SEMA3D: variants seen among roughly 807,000 people sequenced by gnomAD.
SEMA3D encodes semaphorin-3D.
SEMA3D carries 84 observed loss-of-function variants against 100.1 expected under a neutral mutation model. The ratio of observed to expected loss-of-function variants is 0.84; its 90% confidence interval spans 0.70 to 1.01. The LOEUF (loss-of-function observed/expected upper bound fraction) is 1.01. SEMA3D is among the 50% of genes least tolerant of loss of function. The pLI is 0.00. For synonymous variants in SEMA3D, 312 were observed against 320.7 expected (o/e 0.97, Z 0.29); for missense variants, 875 against 934.1 (o/e 0.94, Z 0.82).
intron 1 of SEMA3D, among the ~76,000 whole-genome samples, chr7:85,178,913 C>T (rs763135901): frequency 5.9e-5 from 9 of 152,186 alleles, no homozygotes; most frequent in South Asian, 2.1e-4. Context: ...GTGCTCCAGC[C>T]GTGGCTAAAA....
intron 9 of SEMA3D, among the ~76,000 whole-genome samples, chr7:85,045,318 G>A (rs1790977207): frequency 6.6e-6 from 1 of 151,954 alleles, no homozygotes; most frequent in African/African-American, 2.4e-5. Context: ...AAGCTTTAAT[G>A]CCAGGCCAAA....
chr7:85,119,239 A>G (rs2116395095), intron 3 of SEMA3D, among the ~76,000 whole-genome samples: 1 of 152,372 alleles, frequency 6.6e-6, no homozygotes. Flanking sequence ...CAGAAATACC[A>G]TTAGAACCTG....
chr7:85,201,416 T>C, the SEMA3D span, among the ~76,000 whole-genome samples: 1 of 152,200 alleles, frequency 6.6e-6, no homozygotes, highest in Non-Finnish European at 1.5e-5. Flanking sequence ...TTTCCTGCTA[T>C]TGCTAGGCTT....
intron 3 of SEMA3D, among the ~76,000 whole-genome samples, chr7:85,120,393 C>G (rs1021040980): frequency 6.6e-6 from 1 of 152,012 alleles, no homozygotes; most frequent in Non-Finnish European, 1.5e-5. Flanking sequence ...TGTGGCCAGG[C>G]GAGTTGGCTC....
chr7:85,071,828 T>A (rs565748153), intron 6 of SEMA3D, among the ~76,000 whole-genome samples: 2 of 152,308 alleles, frequency 1.3e-5, no homozygotes, highest in African/African-American at 2.4e-5. Context: ...GTATGCAGCC[T>A]ATTGTTGATG....
chr7:85,166,216 A>C (rs13229068), intron 1 of SEMA3D, among the ~76,000 whole-genome samples: 5,465 of 152,108 alleles, frequency 0.036, 148 homozygotes, highest in Non-Finnish European at 0.053. Flanking sequence ...GTTTTGCTTA[A>C]ATTATGTATT....
chr7:85,236,373 T>A, the SEMA3D span, among the ~76,000 whole-genome samples: 1 of 151,628 alleles, frequency 6.6e-6, no homozygotes, highest in African/African-American at 2.4e-5. Flanking sequence ...AGTGGCATGA[T>A]CTCGGCTCAC....
At chr7:85,063,128 G>GAATAGATTATATTGTT (rs1791522709) in intron 8 of SEMA3D, among the ~76,000 whole-genome samples, 1 of 152,112 alleles carries the variant, frequency 6.6e-6, no homozygotes, top group Non-Finnish European at 1.5e-5. Flanking sequence ...AACGCCCTGT[G>GAATAGATTATATTGTT]AATAGATTCT....
chr7:85,085,010 A>C (rs1231496371), intron 4 of SEMA3D, among the ~76,000 whole-genome samples: 1 of 152,146 alleles, frequency 6.6e-6, no homozygotes, highest in Non-Finnish European at 1.5e-5. Flanking sequence ...TCCATAGTGT[A>C]CATGTACCAC....
intron 8 of SEMA3D, among the ~76,000 whole-genome samples, chr7:85,058,082 G>A (rs1289547645): frequency 6.6e-6 from 1 of 152,202 alleles, no homozygotes; most frequent in African/African-American, 2.4e-5. Flanking sequence ...AAGAAAGGAG[G>A]GAAATACATT....
chr7:85,121,670 A>C lies in SEMA3D; in HGVS notation c.151+71T>G, dbSNP rs564365187. 18 of 874,120 alleles carry C rather than the reference A, an allele frequency of 2.1e-5. No homozygotes were observed. In the African/African-American group the frequency reaches 2.8e-4, roughly 14 times the overall value. The allele number at this position is 874,120 out of a possible 1,614,324, so 54.1% of individuals were successfully genotyped here. ...GAAGTCAATATGCTTTTCTAAAAAG[A>C]AAAAATATAGCAATCAAAAAAGACA... On this transcript the variant is annotated intron_variant, in intron 3 of 18. Coordinates refer to ENST00000284136, the MANE Select transcript of SEMA3D (RefSeq NM_001384900.1).
chr7:85,196,449 G>A, the SEMA3D span, among the ~76,000 whole-genome samples: 9 of 152,060 alleles, frequency 5.9e-5, no homozygotes, highest in African/African-American at 1.9e-4. Context: ...TAAAGAAAGA[G>A]CTTCATAAAT....
chr7:85,133,355 T>C (rs1789779130), intron 2 of SEMA3D, among the ~76,000 whole-genome samples: 1 of 151,970 alleles, frequency 6.6e-6, no homozygotes, highest in Non-Finnish European at 1.5e-5. Context: ...AGGGGATTCC[T>C]GGGTTGAGCA....
At chr7:85,133,763 T>A (rs1029964197) in intron 2 of SEMA3D, among the ~76,000 whole-genome samples, 1 of 151,944 alleles carries the variant, frequency 6.6e-6, no homozygotes, top group Non-Finnish European at 1.5e-5. Context: ...ATCTACGAAA[T>A]AGGATTATCA....
the SEMA3D span, among the ~76,000 whole-genome samples, chr7:85,200,793 A>T: frequency 6.6e-6 from 1 of 152,176 alleles, no homozygotes; most frequent in Non-Finnish European, 1.5e-5. Context: ...CTTGGGGGAA[A>T]AAATGGTTTA....
chr7:85,108,743 TGCAATGTG>T (rs1789003508), intron 3 of SEMA3D, among the ~76,000 whole-genome samples: 1 of 152,038 alleles, frequency 6.6e-6, no homozygotes. Flanking sequence ...TGTTAATTTA[TGCAATGTG>T]GCCACAGTAT....
chr7:85,156,101 A>AT lies in SEMA3D; in HGVS notation c.-172-2363dup, dbSNP rs3078417. 7.3e-3 allele frequency among the ~76,000 whole-genome samples: 1,035 copies of AT among 142,294 alleles called. 14 individuals carry two copies. Among genetic ancestry groups the AT allele is most frequent in the South Asian group, 0.016 (71 of 4,562 alleles). 93.4% of individuals were successfully genotyped at this position (142,294 alleles called of 152,430 possible). ...CTTGCATTATGCTGCAATATAAGTGATTTTTTTTTTTTTTTTTTTGAGATG... is the reference window on the plus strand; with the variant it reads ...CTTGCATTATGCTGCAATATAAGTGATTTTTTTTTTTTTTTTTTTTGAGATG... On this transcript the variant is annotated intron_variant, in intron 1 of 18. Transcript: ENST00000284136.
intron 18 of SEMA3D, among the ~76,000 whole-genome samples, chr7:85,006,499 C>A (rs1789799148): frequency 6.6e-6 from 1 of 151,748 alleles, no homozygotes; most frequent in Non-Finnish European, 1.5e-5. Context: ...ATACGGTGTT[C>A]TTGTTATTAG....
At chr7:85,209,436 G>A in the SEMA3D span, among the ~76,000 whole-genome samples, 1 of 151,930 alleles carries the variant, frequency 6.6e-6, no homozygotes, top group Non-Finnish European at 1.5e-5. Flanking sequence ...TGGGAATCAG[G>A]AAAAGGCCTC....
Sources: gnomAD v4.1 joint callset for allele counts (sites outside exome capture counted in the v4.1 genomes callset) on GRCh38, gnomAD v4.1.1 for gene constraint, MANE v1.5 for transcripts, NCBI Gene and HGNC (gene_info 2026-07-23, HGNC 2026-07-21) for gene names.